The following HP1BP3 variants were observed in gnomAD, a reference collection of about 807,000 sequenced individuals.
The protein encoded by HP1BP3 is heterochromatin protein 1 binding protein 3.
In HP1BP3, 12 loss-of-function variants were observed where a neutral mutation model predicts 62.5. The observed-to-expected ratio is 0.19, with a 90% CI of 0.12 to 0.31. HP1BP3 has a LOEUF of 0.31. Ranked by LOEUF, HP1BP3 falls within the 10% of genes least tolerant of loss-of-function variation. HP1BP3 has a pLI of 1.00. For missense variants in HP1BP3, 502 were observed against 651.8 expected (o/e 0.77, Z 2.50); for synonymous variants, 260 against 237.8 (o/e 1.09, Z -0.86).
chr1:20,755,536 C>T, intron 9 of HP1BP3: 1 of 298,434 alleles, frequency 3.4e-6, no homozygotes, highest in Non-Finnish European at 7.2e-6. Flanking sequence ...GATCACACCA[C>T]TGCACTCTAG....
intron 1 of HP1BP3, among the ~76,000 whole-genome samples, chr1:20,784,971 A>G (rs2057755194): frequency 6.6e-6 from 1 of 152,150 alleles, no homozygotes; most frequent in African/African-American, 2.4e-5. Context: ...CTCAGTCTGG[A>G]GTACAGTGGC....
At chr1:20,755,434 T>C (rs1454947144) in intron 9 of HP1BP3, 3 of 446,058 alleles carry the variant, frequency 6.7e-6, no homozygotes, top group Non-Finnish European at 1.4e-5. Flanking sequence ...TAATCAGGCA[T>C]GGTGGTGGTG....
At chr1:20,749,632 T>G (rs2055585969) in intron 10 of HP1BP3, 91 bp downstream of exon 10, 2 of 1,271,294 alleles carry the variant, frequency 1.6e-6, no homozygotes, top group Non-Finnish European at 2.2e-6. Context: ...GTGCTGGGAT[T>G]ACAGGCGTGA....
rs1019008800 is a variant in HP1BP3, at chr1:20,743,663, AAATAAT to A, written c.*1128_*1133del. The A allele has an allele frequency of 1.3e-5, 2 of 152,038 alleles. No individual in the cohort carries two copies. The highest frequency in any genetic ancestry group is 1.5e-5 in the Non-Finnish European group (1 of 68,010). The allele number at this position is 152,038 out of a possible 1,614,324, so 9.4% of individuals were successfully genotyped here. A position where few individuals can be genotyped will look rare whatever the true frequency, so the allele number is the denominator to read the frequency against. On this transcript the variant is annotated 3_prime_UTR_variant, in exon 13 of 13. Coordinates refer to ENST00000438032, the MANE Select transcript of HP1BP3 (RefSeq NM_001372052.1). Reference sequence around the variant, plus strand: ...GCGACAGAGCGAGACTCTGTCTCAAAAATAATAATAATAATAAAAAATAAAAAAGAT... The same window carrying A: ...GCGACAGAGCGAGACTCTGTCTCAAAAATAATAATAAAAAATAAAAAAGAT...
At chr1:20,783,004 TG>T (rs2057643018) in intron 1 of HP1BP3, among the ~76,000 whole-genome samples, 1 of 140,948 alleles carries the variant, frequency 7.1e-6, no homozygotes, top group Non-Finnish European at 1.6e-5. Context: ...CCCAGCTACT[TG>T]GAAGACTGAG....
intron 9 of HP1BP3, among the ~76,000 whole-genome samples, chr1:20,750,670 ATTTTCTTCTGC>A (rs2055678938): frequency 6.6e-6 from 1 of 151,822 alleles, no homozygotes; most frequent in Middle Eastern, 3.2e-3. Context: ...TTATATGTGG[ATTTTCTTCTGC>A]CTCTGCCCGC....
At chr1:20,760,455 C>A (rs890077957) in intron 8 of HP1BP3, among the ~76,000 whole-genome samples, 1 of 151,840 alleles carries the variant, frequency 6.6e-6, no homozygotes, top group Non-Finnish European at 1.5e-5. Flanking sequence ...GTGGGAGGAT[C>A]GTTTGAGCCT....
At chr1:20,775,725 G>T (rs996397898) in intron 4 of HP1BP3, 3 of 367,852 alleles carry the variant, frequency 8.2e-6, no homozygotes, top group Non-Finnish European at 1.5e-5. Flanking sequence ...AATACTTACC[G>T]TTGTGTTATA....
At chr1:20,758,181 T>A (rs1210681440) in intron 8 of HP1BP3, among the ~76,000 whole-genome samples, 1 of 152,114 alleles carries the variant, frequency 6.6e-6, no homozygotes, top group Admixed American at 6.6e-5. Flanking sequence ...AAAAAAATTA[T>A]GTCTTTAAAT....
intron 7 of HP1BP3, among the ~76,000 whole-genome samples, chr1:20,766,853 C>T (rs1374511818): frequency 6.6e-6 from 1 of 151,650 alleles, no homozygotes; most frequent in Non-Finnish European, 1.5e-5. Context: ...TGAGGCAGGA[C>T]AAGCACTTGA....
Position 20,745,028 on chromosome 1 carries a change from G to A in HP1BP3, c.1431C>T (p.Ser477=). Residue 477 remains serine (S), a synonymous_variant, in exon 13 of 13, where the codon TCC becomes TCT. Transcript: ENST00000438032. ...GKAASVKQRG[S]KPAPKVSAAQ... ...CAGCTGAGACTTTAGGTGCAGGTTT[G>A]GACCCTCTCTGCTTCACAGATGCGG... The A allele has an allele frequency of 1.2e-6, 2 of 1,614,126 alleles. No homozygotes were observed. The highest frequency in any genetic ancestry group is 1.7e-6 in the Non-Finnish European group (2 of 1,180,020).
chr1:20,769,561 G>A (rs1025727415), intron 6 of HP1BP3, among the ~76,000 whole-genome samples: 1 of 151,898 alleles, frequency 6.6e-6, no homozygotes, highest in Non-Finnish European at 1.5e-5. Context: ...GTCTCAAAAA[G>A]TAAAATAAAA....
At chr1:20,775,668 C>T (rs1363252100) in intron 4 of HP1BP3, 2 of 237,784 alleles carry the variant, frequency 8.4e-6, no homozygotes, top group African/African-American at 2.2e-5. Flanking sequence ...CATTTTTTAT[C>T]TTTTATATTA....
chr1:20,757,559 C>T (rs988873028), intron 8 of HP1BP3, among the ~76,000 whole-genome samples: 6 of 151,730 alleles, frequency 4.0e-5, no homozygotes, highest in Non-Finnish European at 7.4e-5. Context: ...TTAGTAGAGA[C>T]GGGGTTTCTC....
Position 20,751,112 on chromosome 1 carries a change from C to T in HP1BP3, c.982-1230G>A, listed in dbSNP as rs372377209. On this transcript the variant is annotated intron_variant, in intron 9 of 12. Transcript: ENST00000438032. ...GATTATAGGTGTGACCCACTGTGGC[C>T]GGCCATTATTTCCTCTTTCTTAAGA... Among the ~76,000 whole-genome samples, 41 of 152,030 alleles carry T rather than the reference C, an allele frequency of 2.7e-4. 2 individuals are homozygous for T. The highest frequency in any genetic ancestry group is 7.5e-4 in the African/African-American group (31 of 41,502).
chr1:20,784,570 C>G (rs2057730751), intron 1 of HP1BP3, among the ~76,000 whole-genome samples: 2 of 151,618 alleles, frequency 1.3e-5, no homozygotes, highest in South Asian at 4.2e-4. Context: ...CCTCCCCTCC[C>G]GGTTCACGCC....
chr1:20,750,893 C>T (rs904522158), intron 9 of HP1BP3, among the ~76,000 whole-genome samples: 2 of 147,776 alleles, frequency 1.4e-5, no homozygotes, highest in Admixed American at 6.9e-5. Context: ...TTTCAGCTCA[C>T]TGCAACCTCG....
chr1:20,780,278 G>A, intron 2 of HP1BP3, 67 bp downstream of exon 2: 1 of 1,119,340 alleles, frequency 8.9e-7, no homozygotes. Context: ...GTACCAAGAA[G>A]GACCCAGCAG....
intron 8 of HP1BP3, among the ~76,000 whole-genome samples, chr1:20,759,201 C>T (rs908753004): frequency 6.6e-6 from 1 of 152,174 alleles, no homozygotes; most frequent in Non-Finnish European, 1.5e-5. Flanking sequence ...GGGAGTTTGA[C>T]ACCAGCTTGA....
Sources: allele counts gnomAD v4.1 joint callset (sites outside exome capture counted in the v4.1 genomes callset), GRCh38; gene constraint gnomAD v4.1.1; transcripts MANE v1.5; gene names NCBI Gene and HGNC (gene_info 2026-07-23, HGNC 2026-07-21).